FBXL13: variants seen among roughly 807,000 people sequenced by gnomAD.
FBXL13 encodes the protein F-box and leucine rich repeat protein 13, also known as F-box and leucine-rich repeat protein 13.
Under a neutral mutation model 83.6 loss-of-function variants are expected in FBXL13, and 67 were observed. The ratio of observed to expected loss-of-function variants is 0.80; its 90% confidence interval spans 0.66 to 0.98. FBXL13 has a LOEUF of 0.98. Ranked by LOEUF, FBXL13 falls within the 50% of genes least tolerant of loss-of-function variation. The probability of loss-of-function intolerance (pLI) is 0.00; values close to 1 mark genes in which losing one functional copy is unlikely to be tolerated. For missense variants in FBXL13, 822 were observed against 866.5 expected (o/e 0.95, Z 0.64); for synonymous variants, 272 against 299.5 (o/e 0.91, Z 0.95).
chr7:103,005,747 G>T (rs1790922032), intron 6 of FBXL13, among the ~76,000 whole-genome samples: 2 of 152,008 alleles, frequency 1.3e-5, no homozygotes, highest in Non-Finnish European at 2.9e-5. Flanking sequence ...CTCTCCACAG[G>T]CCCTATCTTC....
At chr7:102,941,283 G>C (rs368164286) in intron 8 of FBXL13, among the ~76,000 whole-genome samples, 4 of 152,156 alleles carry the variant, frequency 2.6e-5, no homozygotes, top group African/African-American at 9.7e-5. Context: ...GTCACTGGTA[G>C]CCAGTGTCAT....
At chr7:103,054,567 A>G (rs1328321213) in intron 2 of FBXL13, among the ~76,000 whole-genome samples, 1 of 152,154 alleles carries the variant, frequency 6.6e-6, no homozygotes, top group Non-Finnish European at 1.5e-5. Flanking sequence ...CAGGATCAAA[A>G]CTAGCTGCTG....
At chr7:103,035,102 A>C (rs1794944009) in intron 2 of FBXL13, among the ~76,000 whole-genome samples, 1 of 152,202 alleles carries the variant, frequency 6.6e-6, no homozygotes, top group African/African-American at 2.4e-5. Context: ...GTGACCAACC[A>C]GTGTGGTCTG....
intron 8 of FBXL13, among the ~76,000 whole-genome samples, chr7:102,935,825 G>C (rs1174303792): frequency 6.6e-6 from 1 of 152,198 alleles, no homozygotes; most frequent in African/African-American, 2.4e-5. Context: ...ATAGAGCACA[G>C]TATCATTTCT....
intron 11 of FBXL13, among the ~76,000 whole-genome samples, chr7:102,901,271 T>C (rs1381431034): frequency 2.6e-5 from 4 of 152,374 alleles, no homozygotes; most frequent in South Asian, 4.1e-4. Flanking sequence ...TATTTTATTT[T>C]TAATTTTTGT....
At chr7:103,019,895 A>G (rs1452613290) in intron 6 of FBXL13, among the ~76,000 whole-genome samples, 2 of 152,184 alleles carry the variant, frequency 1.3e-5, no homozygotes, top group Non-Finnish European at 2.9e-5. Context: ...TACCAGAGGT[A>G]CAAGGAGGAG....
At chr7:102,874,418 T>C in intron 16 of FBXL13, 1 of 953,098 alleles carries the variant, frequency 1.0e-6, no homozygotes, top group Non-Finnish European at 1.2e-6. Context: ...ACAGAAGACT[T>C]ATTTTTTTCA....
chr7:102,963,621 T>C (rs1466306606), exon 8 of FBXL13: 2 of 1,608,860 alleles, frequency 1.2e-6, no homozygotes, highest in East Asian at 4.5e-5. Flanking sequence ...AAGTAGACAC[T>C]ATATATTTAT....
chr7:102,944,728 T>G, intron 8 of FBXL13: 1 of 832,232 alleles, frequency 1.2e-6, no homozygotes, highest in Non-Finnish European at 1.8e-6. Context: ...TAAAGGAAGC[T>G]TTCTTTAATT....
chr7:102,853,418 T>C (rs1246930446), intron 17 of FBXL13, among the ~76,000 whole-genome samples: 4 of 152,100 alleles, frequency 2.6e-5, no homozygotes, highest in Non-Finnish European at 5.9e-5. Flanking sequence ...ATAAAAACCC[T>C]AGAAGAAAAC....
At chr7:103,026,317 A>G (rs1793910883) in intron 5 of FBXL13, among the ~76,000 whole-genome samples, 1 of 151,746 alleles carries the variant, frequency 6.6e-6, no homozygotes, top group Admixed American at 6.6e-5. Context: ...TTTTATATTC[A>G]GGGATGTTTA....
chr7:103,051,295 G>A (rs189158109), intron 2 of FBXL13, among the ~76,000 whole-genome samples: 3 of 152,300 alleles, frequency 2.0e-5, no homozygotes, highest in Non-Finnish European at 4.4e-5. Flanking sequence ...TTCTGAACCA[G>A]TCAGGTGTAA....
In FBXL13 at chr7:102,904,453, T is replaced by C. The variant is rs1813433351; in HGVS notation, c.1008+8633A>G. ...GTGCACAACGTGCAGGTTTGTTACA[T>C]ATGTATGCATGTGCCATGTTGGTGT... On this transcript the variant is annotated intron_variant, in intron 11 of 19. Coordinates refer to ENST00000313221, the Ensembl canonical transcript of FBXL13. Among the ~76,000 whole-genome samples, 3 of 152,060 alleles carry C rather than the reference T, an allele frequency of 2.0e-5. No individual in the cohort carries two copies. The South Asian group carries it at 6.2e-4, about 31-fold the overall frequency.
intron 14 of FBXL13, among the ~76,000 whole-genome samples, chr7:102,881,337 T>C (rs1042959385): frequency 1.4e-5 from 2 of 142,862 alleles, no homozygotes; most frequent in African/African-American, 5.3e-5. Context: ...CTTGGGAGGC[T>C]GGGGCAGGAG....
intron 19 of FBXL13, among the ~76,000 whole-genome samples, chr7:102,820,922 C>T (rs947627166): frequency 6.6e-6 from 1 of 152,216 alleles, no homozygotes; most frequent in Non-Finnish European, 1.5e-5. Flanking sequence ...CAAACCATAG[C>T]ATCACACCAT....
At chr7:103,022,251 G>T (rs1336307396) in intron 6 of FBXL13, among the ~76,000 whole-genome samples, 1 of 151,746 alleles carries the variant, frequency 6.6e-6, no homozygotes, top group Admixed American at 6.6e-5. Context: ...AACACCGCAT[G>T]TTCTTACTCA....
chr7:102,904,753 T>C (rs1402886535), intron 11 of FBXL13, among the ~76,000 whole-genome samples: 1 of 152,168 alleles, frequency 6.6e-6, no homozygotes, highest in African/African-American at 2.4e-5. Flanking sequence ...CACTTATAGC[T>C]ATAAACTTCC....
chr7:103,065,636 A>C (rs761629455), intron 1 of FBXL13, among the ~76,000 whole-genome samples: 45 of 152,254 alleles, frequency 3.0e-4, no homozygotes, highest in Non-Finnish European at 5.0e-4. Flanking sequence ...GCAAAAGAGA[A>C]CACTAAAGGA....
intron 2 of FBXL13, among the ~76,000 whole-genome samples, chr7:103,044,969 TAAAAG>T (rs1796121749): frequency 6.6e-6 from 1 of 152,184 alleles, no homozygotes; most frequent in South Asian, 2.1e-4. Context: ...TAGGCAATGA[TAAAAG>T]AAAAACTTCA....
Sources: gnomAD v4.1 joint callset for allele counts (sites outside exome capture counted in the v4.1 genomes callset) on GRCh38, gnomAD v4.1.1 for gene constraint, MANE v1.5 for transcripts, NCBI Gene and HGNC (gene_info 2026-07-23, HGNC 2026-07-21) for gene names.